Variants in KCNH5 observed in about 807,000 individuals in gnomAD.
KCNH5 encodes potassium voltage-gated channel subfamily H member 5, also known as voltage-gated delayed rectifier potassium channel KCNH5.
KCNH5 carries 46 observed loss-of-function variants against 96.1 expected under a neutral mutation model. That is an observed-to-expected ratio of 0.48 (90% CI 0.38 to 0.61). The LOEUF is 0.61. Ranked by LOEUF, KCNH5 falls within the 20% of genes least tolerant of loss-of-function variation. The pLI, the probability that KCNH5 is intolerant of heterozygous loss-of-function variation, is 0.00. For synonymous variants in KCNH5, 439 were observed against 449.8 expected (o/e 0.98, Z 0.30); for missense variants, 907 against 1,225.8 (o/e 0.74, Z 3.88).
intron 10 of KCNH5, among the ~76,000 whole-genome samples, chr14:62,754,345 G>A (rs1885571213): frequency 6.6e-6 from 1 of 151,594 alleles, no homozygotes; most frequent in African/African-American, 2.4e-5. Flanking sequence ...AAAGAAGGAA[G>A]ACAAACCAGA....
chr14:62,995,534 T>C (rs1395490522), intron 4 of KCNH5, among the ~76,000 whole-genome samples: 1 of 152,124 alleles, frequency 6.6e-6, no homozygotes, highest in Admixed American at 6.6e-5. Context: ...TCTATACCTC[T>C]TTGACTAAAT....
At chr14:62,959,092 C>T (rs1203857163) in intron 6 of KCNH5, among the ~76,000 whole-genome samples, 10 of 152,110 alleles carry the variant, frequency 6.6e-5, no homozygotes, top group Non-Finnish European at 1.5e-4. Flanking sequence ...CCTCACCCAA[C>T]CTACCTTAAA....
At chr14:63,017,179 C>T (rs1395391282) in intron 1 of KCNH5, among the ~76,000 whole-genome samples, 5 of 151,898 alleles carry the variant, frequency 3.3e-5, no homozygotes, top group South Asian at 4.1e-4. Context: ...TCCATTTAAA[C>T]GAAACCAGTT....
At chr14:62,865,635 T>C (rs1406524318) in intron 7 of KCNH5, among the ~76,000 whole-genome samples, 1 of 152,214 alleles carries the variant, frequency 6.6e-6, no homozygotes, top group Non-Finnish European at 1.5e-5. Flanking sequence ...ACTCTGCATA[T>C]TCAGTCTGTA....
chr14:62,860,437 T>G (rs1392881211), intron 7 of KCNH5, among the ~76,000 whole-genome samples: 1 of 152,232 alleles, frequency 6.6e-6, no homozygotes, highest in Non-Finnish European at 1.5e-5. Flanking sequence ...AGCTACAGAT[T>G]TTTTTGTAAC....
intron 7 of KCNH5, among the ~76,000 whole-genome samples, chr14:62,895,482 C>T (rs893354386): frequency 3.9e-5 from 6 of 152,048 alleles, no homozygotes; most frequent in Non-Finnish European, 8.8e-5. Context: ...AGGTATGCGC[C>T]ACCACACCCA....
chr14:62,984,876 G>A (rs186898512), intron 5 of KCNH5, among the ~76,000 whole-genome samples: 1 of 152,168 alleles, frequency 6.6e-6, no homozygotes, highest in African/African-American at 2.4e-5. Flanking sequence ...ACAATTCTGA[G>A]TGATTCTGGG....
chr14:63,016,220 T>C (rs919718730), intron 2 of KCNH5, among the ~76,000 whole-genome samples: 1 of 151,954 alleles, frequency 6.6e-6, no homozygotes, highest in Admixed American at 6.6e-5. Context: ...GTTCCTTATA[T>C]ATAGTTTCCT....
At chr14:62,961,092 C>T (rs1890197167) in intron 6 of KCNH5, among the ~76,000 whole-genome samples, 1 of 152,006 alleles carries the variant, frequency 6.6e-6, no homozygotes, top group Non-Finnish European at 1.5e-5. Flanking sequence ...TGCCTAAAGC[C>T]CTGATTTTTT....
intron 10 of KCNH5, among the ~76,000 whole-genome samples, chr14:62,765,562 T>C (rs1286852756): frequency 6.6e-6 from 1 of 152,076 alleles, no homozygotes; most frequent in East Asian, 1.9e-4. Context: ...AACAAGAAAC[T>C]ATCAACAGAG....
intron 7 of KCNH5, among the ~76,000 whole-genome samples, chr14:62,859,603 C>T (rs1196820939): frequency 1.3e-5 from 2 of 152,222 alleles, no homozygotes; most frequent in African/African-American, 2.4e-5. Flanking sequence ...TTTCAAGTCC[C>T]TGACCATCCA....
At chr14:63,020,501 G>C (rs1280220079) in intron 1 of KCNH5, among the ~76,000 whole-genome samples, 1 of 152,020 alleles carries the variant, frequency 6.6e-6, no homozygotes, top group Non-Finnish European at 1.5e-5. Flanking sequence ...TCTGACACAT[G>C]CAACAATATG....
chr14:62,998,985 G>T (rs1043894401), intron 4 of KCNH5, among the ~76,000 whole-genome samples: 2 of 152,126 alleles, frequency 1.3e-5, no homozygotes, highest in Non-Finnish European at 2.9e-5. Flanking sequence ...AAATATTGCT[G>T]CAATAAACAT....
At chr14:62,817,832 A>T (rs1004083947) in intron 8 of KCNH5, among the ~76,000 whole-genome samples, 2 of 145,282 alleles carry the variant, frequency 1.4e-5, no homozygotes, top group Admixed American at 1.4e-4. Context: ...TATATTATAT[A>T]TATATAATGG....
chr14:62,953,481 C>T (rs1453230942), intron 6 of KCNH5, among the ~76,000 whole-genome samples: 2 of 152,126 alleles, frequency 1.3e-5, no homozygotes, highest in Non-Finnish European at 2.9e-5. Flanking sequence ...CAAATGTCTG[C>T]CGTGCGTTTC....
At position 62,699,947 on chromosome 14, in the gene KCNH5, T is replaced by C. The variant is rs1354698847; in HGVS notation, c.*7561A>G. 6.6e-6 allele frequency: 1 copy of C among 152,226 alleles called. No homozygotes were observed. The highest frequency in any genetic ancestry group is 2.4e-5 in the African/African-American group (1 of 41,462). The allele number at this position is 152,226 out of a possible 1,614,324, so 9.4% of individuals were successfully genotyped here. On this transcript the variant is annotated 3_prime_UTR_variant, in exon 11 of 11. Coordinates refer to ENST00000322893, the MANE Select transcript of KCNH5 (RefSeq NM_139318.5). ...CATGAAATTTTTGCATTGTTTCCTTTGTCAATGCATGAATCAATTATTTCT... is the reference window on the plus strand; with the variant it reads ...CATGAAATTTTTGCATTGTTTCCTTCGTCAATGCATGAATCAATTATTTCT...
At position 62,789,916 on chromosome 14, in the gene KCNH5, T is replaced by C. The variant is rs76973665; in HGVS notation, c.1823-9992A>G. ...AACGTTTTAGTGTGATGTAACCCTATTTATTTATTTTTGCTTTTATGGCTC... is the reference window on the plus strand; with the variant it reads ...AACGTTTTAGTGTGATGTAACCCTACTTATTTATTTTTGCTTTTATGGCTC... On this transcript the variant is annotated intron_variant, in intron 9 of 10. Coordinates refer to ENST00000322893, the MANE Select transcript of KCNH5 (RefSeq NM_139318.5). Among the ~76,000 whole-genome samples the C allele has an allele frequency of 9.2e-3, 1,404 of 152,022 alleles. 12 individuals are homozygous for C. Among genetic ancestry groups the C allele is most frequent in the South Asian group, 0.042 (202 of 4,830 alleles).
chr14:62,860,318 C>A (rs1888008259), intron 7 of KCNH5, among the ~76,000 whole-genome samples: 1 of 152,216 alleles, frequency 6.6e-6, no homozygotes, highest in African/African-American at 2.4e-5. Context: ...ACACCTCAAG[C>A]ACCATTGGAT....
intron 10 of KCNH5, among the ~76,000 whole-genome samples, chr14:62,761,705 TTACTTTTA>T (rs1457548089): frequency 3.3e-5 from 5 of 152,146 alleles, no homozygotes. Flanking sequence ...GAAAAATTAT[TTACTTTTA>T]TTCTAGAAGA....
Sources: gnomAD v4.1 joint callset for allele counts (sites outside exome capture counted in the v4.1 genomes callset) on GRCh38, gnomAD v4.1.1 for gene constraint, MANE v1.5 for transcripts, NCBI Gene and HGNC (gene_info 2026-07-23, HGNC 2026-07-21) for gene names.